The following IQGAP2 variants were observed in gnomAD, a reference collection of about 807,000 sequenced individuals.
The protein encoded by IQGAP2 is ras GTPase-activating-like protein IQGAP2.
IQGAP2 carries 173 observed loss-of-function variants against 201.3 expected under a neutral mutation model. The observed-to-expected ratio is 0.86, with a 90% CI of 0.76 to 0.98. The LOEUF (loss-of-function observed/expected upper bound fraction) is 0.98. Among genes scored for constraint, IQGAP2 ranks in the 50% least tolerant of loss-of-function variants. The pLI is 0.00. For missense variants in IQGAP2, 1,687 were observed against 1,864.8 expected (o/e 0.90, Z 1.76); for synonymous variants, 675 against 673.9 (o/e 1.00, Z -0.03).
chr5:76,672,840 C>T (rs1744465929), intron 24 of IQGAP2, among the ~76,000 whole-genome samples: 1 of 146,792 alleles, frequency 6.8e-6, no homozygotes, highest in South Asian at 2.1e-4. Flanking sequence ...CGCATATTCT[C>T]ACTCATAGGT....
chr5:76,617,898 C>G, intron 13 of IQGAP2: 1 of 1,613,910 alleles, frequency 6.2e-7, no homozygotes, highest in East Asian at 2.2e-5. Context: ...AATTAAGAAT[C>G]CAAAGAATGC....
In IQGAP2 at chr5:76,606,334, T is replaced by C. The variant is rs764209999; in HGVS notation, c.1357+31T>C. 5 of 1,538,138 alleles carry C rather than the reference T, an allele frequency of 3.3e-6. No homozygotes were observed. In the East Asian group the frequency reaches 7.0e-5, roughly 21 times the overall value. Reference sequence around the variant, plus strand: ...TATAAGACACTTTCCTTCTCTAGCATAGTGGGAGAAGAAGGTATCTGGACA... The same window carrying C: ...TATAAGACACTTTCCTTCTCTAGCACAGTGGGAGAAGAAGGTATCTGGACA... On this transcript the variant is annotated intron_variant, in intron 12 of 35. Transcript: ENST00000274364.
At chr5:76,519,092 A>G (rs1215429659) in intron 2 of IQGAP2, among the ~76,000 whole-genome samples, 1 of 152,134 alleles carries the variant, frequency 6.6e-6, no homozygotes, top group Non-Finnish European at 1.5e-5. Flanking sequence ...ACATACATGA[A>G]TTCATTTTTT....
intron 2 of IQGAP2, among the ~76,000 whole-genome samples, chr5:76,480,271 A>G (rs115882492): frequency 0.031 from 4,787 of 152,246 alleles, 263 homozygotes; most frequent in African/African-American, 0.11. Flanking sequence ...TCTGTTCTGG[A>G]TGGAGCTGAG....
intron 27 of IQGAP2, among the ~76,000 whole-genome samples, chr5:76,676,065 G>GGTAAGACAGT: frequency 7.8e-6 from 1 of 128,812 alleles, no homozygotes; most frequent in East Asian, 2.5e-4. Flanking sequence ...CAGGTGACAG[G>GGTAAGACAGT]GTAAGACTCT....
At chr5:76,406,068 C>T (rs1750784635) in intron 1 of IQGAP2, among the ~76,000 whole-genome samples, 1 of 152,166 alleles carries the variant, frequency 6.6e-6, no homozygotes, top group Admixed American at 6.6e-5. Flanking sequence ...TGCTCTCTCT[C>T]CTACCCACTT....
chr5:76,460,719 T>C (rs1275234975), intron 1 of IQGAP2, among the ~76,000 whole-genome samples: 1 of 152,148 alleles, frequency 6.6e-6, no homozygotes, highest in Non-Finnish European at 1.5e-5. Context: ...CAATCTTTGT[T>C]GACACCCGTT....
In IQGAP2 at chr5:76,701,175, A is replaced by G. The variant is rs1033645141; in HGVS notation, c.4467A>G (p.Lys1489=). The change falls in exon 34 of 36, where the codon AAA becomes AAG. Residue 1489 remains lysine, a synonymous_variant. Coordinates refer to ENST00000274364, the MANE Select transcript of IQGAP2 (RefSeq NM_006633.5). ...ACACTGCAGCAAAGCTGCATGAGAA[A>G]GGTGTCCTGCTAGATATAGATGATC... ...VKYTAAKLHE[K]GVLLDIDDLQ... 6 of 1,614,120 alleles carry G rather than the reference A, an allele frequency of 3.7e-6. No individual in the cohort carries two copies. The highest frequency in any genetic ancestry group is 1.3e-5 in the African/African-American group (1 of 74,968).
intron 1 of IQGAP2, among the ~76,000 whole-genome samples, chr5:76,437,437 A>C (rs1228485885): frequency 6.6e-6 from 1 of 152,164 alleles, no homozygotes; most frequent in East Asian, 1.9e-4. Context: ...CATAGGTAAA[A>C]GTGTGCCATG....
At chr5:76,436,515 ATATTTTTTTTTTTTTT>A (rs1752702088) in intron 1 of IQGAP2, among the ~76,000 whole-genome samples, 2 of 19,612 alleles carry the variant, frequency 1.0e-4, no homozygotes, top group East Asian at 1.8e-3. Context: ...ATATATATAT[ATATTTTTTTTTTTTTT>A]TTTTTTTTTT....
intron 2 of IQGAP2, among the ~76,000 whole-genome samples, chr5:76,481,132 T>A (rs1040589540): frequency 6.6e-6 from 1 of 152,098 alleles, no homozygotes; most frequent in Admixed American, 6.5e-5. Flanking sequence ...ATCACAATGG[T>A]GATGAAGTTT....
chr5:76,654,980 C>A lies in IQGAP2; in HGVS notation c.2297C>A (p.Ala766Asp). Residue 766 changes from alanine (A) to aspartate (D), a missense_variant, in exon 20 of 36, where the codon GCT (alanine) becomes GAT (aspartate). Physicochemically the swap from Ala to Asp is moderately radical, Grantham distance 126 (BLOSUM62 -2). Transcript: ENST00000274364. ...KIQSLLRANK[A>D]RDDYKTLVGS... is the part of the protein sequence containing the mutation. Reference sequence around the variant, plus strand: ...CAGTCACTGTTGAGAGCGAACAAAGCTAGAGATGACTACAAAACATTGGGT... The same window carrying A: ...CAGTCACTGTTGAGAGCGAACAAAGATAGAGATGACTACAAAACATTGGGT... The A allele has an allele frequency of 1.2e-6, 2 of 1,611,714 alleles. No homozygotes were observed. The highest frequency in any genetic ancestry group is 1.7e-6 in the Non-Finnish European group (2 of 1,178,220).
intron 1 of IQGAP2, among the ~76,000 whole-genome samples, chr5:76,429,303 T>G (rs56189196): frequency 0.47 from 70,868 of 151,128 alleles, 17,351 homozygotes; most frequent in East Asian, 0.56. Flanking sequence ...CTGGGCGTGG[T>G]GGCTCACACC....
intron 17 of IQGAP2, among the ~76,000 whole-genome samples, chr5:76,652,164 A>G (rs548381114): frequency 4.9e-4 from 74 of 152,294 alleles, no homozygotes; most frequent in Non-Finnish European, 7.4e-4. Flanking sequence ...AATTATTCTT[A>G]ATGGTGATAA....
intron 29 of IQGAP2, 120 bp from the exon 30 acceptor site, chr5:76,683,656 A>G (rs1481465306): frequency 2.3e-6 from 2 of 883,656 alleles, no homozygotes; most frequent in African/African-American, 3.4e-5. Flanking sequence ...TTTTGTAAAG[A>G]CCATGATCTC....
chr5:76,667,762 A>G (rs1349716062), intron 22 of IQGAP2, among the ~76,000 whole-genome samples: 1 of 151,928 alleles, frequency 6.6e-6, no homozygotes, highest in African/African-American at 2.4e-5. Flanking sequence ...TGCTGTTTCC[A>G]CATTGTAAAT....
At chr5:76,431,024 G>A (rs1752338236) in intron 1 of IQGAP2, among the ~76,000 whole-genome samples, 1 of 152,000 alleles carries the variant, frequency 6.6e-6, no homozygotes, top group African/African-American at 2.4e-5. Context: ...TGAAAAGATT[G>A]TTTACAGAAA....
chr5:76,511,305 A>G (rs1195919122), intron 2 of IQGAP2, among the ~76,000 whole-genome samples: 1 of 152,136 alleles, frequency 6.6e-6, no homozygotes, highest in African/African-American at 2.4e-5. Context: ...TTGTTACTTC[A>G]TGGTCACAAG....
intron 17 of IQGAP2, among the ~76,000 whole-genome samples, chr5:76,643,433 C>A (rs1409068054): frequency 6.6e-6 from 1 of 152,032 alleles, no homozygotes. Context: ...CATTTTATTG[C>A]AGGGTGGTGA....
Sources: allele counts gnomAD v4.1 joint callset (sites outside exome capture counted in the v4.1 genomes callset), GRCh38; gene constraint gnomAD v4.1.1; transcripts MANE v1.5; gene names NCBI Gene and HGNC (gene_info 2026-07-23, HGNC 2026-07-21).